SEC31A: variants seen among roughly 807,000 people sequenced by gnomAD.
SEC31A encodes the protein SEC31 homolog A, COPII component.
In SEC31A, 70 loss-of-function variants were observed where a neutral mutation model predicts 151.0. The ratio of observed to expected loss-of-function variants is 0.46; its 90% CI spans 0.38 to 0.57. SEC31A has a LOEUF of 0.57. SEC31A is among the 20% of genes least tolerant of loss of function. The probability of loss-of-function intolerance (pLI) is 0.00; values close to 1 mark genes in which losing one functional copy is unlikely to be tolerated. For synonymous variants in SEC31A, 475 were observed against 505.9 expected, an observed-to-expected ratio of 0.94 and a Z score of 0.82; for missense variants, 1,330 against 1,471.2, an observed-to-expected ratio of 0.90 and a Z score of 1.57.
Position 82,819,046 on chromosome 4 carries a change from A to G in SEC31A, c.*28T>C, listed in dbSNP as rs762192178. The stretch of plus-strand genomic sequence containing the variant: ...TAACATGTTTCTTTGGAAAAATGGC[A>G]ATATTGAGTGGAAGAGAAGCTGTCC... On this transcript the variant is annotated 3_prime_UTR_variant, in exon 27 of 27. Coordinates refer to ENST00000395310, the MANE Select transcript of SEC31A (RefSeq NM_001077207.4). 1 of 1,557,986 alleles carries G rather than the reference A, an allele frequency of 6.4e-7. No homozygotes were observed. Among genetic ancestry groups the G allele is most frequent in the Admixed American group, 2.1e-5 (1 of 48,632 alleles).
intron 22 of SEC31A, among the ~76,000 whole-genome samples, chr4:82,836,555 T>A (rs1024304840): frequency 3.9e-5 from 6 of 152,116 alleles, no homozygotes; most frequent in Non-Finnish European, 8.8e-5. Flanking sequence ...AAAATTCTGA[T>A]ACATGCTACA....
chr4:82,871,556 A>C, intron 7 of SEC31A: 2 of 671,356 alleles, frequency 3.0e-6, no homozygotes, highest in African/African-American at 1.8e-5. Context: ...TGGGCAGATC[A>C]CTTGAGGTCA....
rs1736849939 is a variant in SEC31A at position 82,872,219 on chromosome 4, T to C, written c.640-133A>G. 1.3e-5 allele frequency: 9 copies of C among 719,982 alleles called. 1 individual carries two copies. The highest frequency in any genetic ancestry group is 1.9e-5 in the Non-Finnish European group (8 of 431,290). 44.6% of individuals were successfully genotyped at this position (719,982 alleles called of 1,614,324 possible). On this transcript the variant is annotated intron_variant, in intron 6 of 26. Coordinates refer to ENST00000395310, the MANE Select transcript of SEC31A (RefSeq NM_001077207.4). ...GTGGCTTATTTTATTTATGATCTAT[T>C]TATTGTCAGCCAGGCTGGAGTGCAG...
Position 82,867,062 on chromosome 4 carries a change from C to T in SEC31A, c.1044+93G>A. On this transcript the variant is annotated intron_variant, in intron 9 of 26. Coordinates refer to ENST00000395310, the MANE Select transcript of SEC31A (RefSeq NM_001077207.4). Reference sequence around the variant, plus strand: ...TTTTGATCACAATTGTCCAATTAACCAGCATTGTTAATCAGTGAAGTCATT... The same window carrying T: ...TTTTGATCACAATTGTCCAATTAACTAGCATTGTTAATCAGTGAAGTCATT... 3.9e-6 allele frequency: 6 copies of T among 1,530,060 alleles called. No individual in the cohort carries two copies. The South Asian group carries it at 7.2e-5, about 18-fold the overall frequency. The allele number at this position is 1,530,060 out of a possible 1,614,324, so 94.8% of individuals were successfully genotyped here.
intron 13 of SEC31A, among the ~76,000 whole-genome samples, chr4:82,862,290 T>C (rs1036776336): frequency 6.6e-6 from 1 of 151,186 alleles, no homozygotes; most frequent in Non-Finnish European, 1.5e-5. Context: ...AGTATTTGAG[T>C]AGTCATTAAT....
At chr4:82,845,832 A>G (rs1729982903) in intron 20 of SEC31A, among the ~76,000 whole-genome samples, 1 of 152,150 alleles carries the variant, frequency 6.6e-6, no homozygotes, top group Non-Finnish European at 1.5e-5. Flanking sequence ...CTGAATATTA[A>G]AGATCTTCCA....
In SEC31A at chr4:82,857,728, G is replaced by T. The variant is rs776993519; in HGVS notation, c.1663C>A (p.Pro555Thr). The change falls in exon 15 of 27, where the codon CCC (proline) becomes ACC (threonine). Residue 555 changes from proline to threonine, a missense_variant. Transcript: ENST00000395310. The stretch of plus-strand genomic sequence containing the variant: ...ATATTAAATGTTCCTCCAGATGAGG[G>T]TAGAAATTCAGATTCTTCTTTTTCC... Reference protein sequence around the residue: ...KEEKEESEFLPSSGGTFNISV... With the variant: ...KEEKEESEFLTSSGGTFNISV... The T allele has an allele frequency of 3.7e-6, 6 of 1,603,498 alleles. No homozygotes were observed. The highest frequency in any genetic ancestry group is 5.1e-6 in the Non-Finnish European group (6 of 1,170,946).
intron 3 of SEC31A, among the ~76,000 whole-genome samples, chr4:82,896,832 G>A (rs1720083818): frequency 6.6e-6 from 1 of 152,178 alleles, no homozygotes; most frequent in Admixed American, 6.5e-5. Flanking sequence ...AGGTACAGAT[G>A]TACAGCATCA....
intron 25 of SEC31A, among the ~76,000 whole-genome samples, chr4:82,823,494 C>T (rs1723857965): frequency 6.6e-6 from 1 of 152,194 alleles, no homozygotes; most frequent in Admixed American, 6.5e-5. Flanking sequence ...CACTGACCAG[C>T]AGAAGGCTGC....
At position 82,891,112 on chromosome 4, in the gene SEC31A, A is replaced by G. The variant is rs900650989; in HGVS notation, c.-29T>C. On this transcript the variant is annotated 5_prime_UTR_variant, in exon 1 of 27. Transcript: ENST00000395310. ...CCTGGCGAGGACCTTCGGCAGCCGG[A>G]TCCTGCGTTAGTGCAGCGCTCGTCG... The G allele has an allele frequency of 1.7e-5, 26 of 1,535,808 alleles. No individual in the cohort carries two copies. The highest frequency in any genetic ancestry group is 2.2e-5 in the Non-Finnish European group (25 of 1,146,784).
intron 1 of SEC31A, among the ~76,000 whole-genome samples, chr4:82,882,351 G>T (rs1322588679): frequency 7.5e-6 from 1 of 133,112 alleles, no homozygotes; most frequent in Non-Finnish European, 1.5e-5. Context: ...GCAGTGAGTT[G>T]AGATTGCACC....
At chr4:82,879,153 C>G (rs1738681438) in intron 3 of SEC31A, among the ~76,000 whole-genome samples, 1 of 151,920 alleles carries the variant, frequency 6.6e-6, no homozygotes, top group Non-Finnish European at 1.5e-5. Flanking sequence ...AGTAAAAACT[C>G]TTGTAAGGTA....
intron 3 of SEC31A, 198 bp downstream of exon 3, chr4:82,880,601 G>GA (rs1170121620): frequency 7.0e-3 from 2,470 of 354,214 alleles, no homozygotes; most frequent in South Asian, 8.4e-3. Context: ...AAAAAAAAAA[G>GA]AAAAAAAAAA....
At chr4:82,857,563 C>T (rs774073655) in intron 15 of SEC31A, 126 bp downstream of exon 15, 43 of 669,348 alleles carry the variant, frequency 6.4e-5, no homozygotes, top group South Asian at 5.3e-4. Context: ...GCCTCAACTT[C>T]CCAAGTAGCT....
At chr4:82,863,608 AT>A (rs1349997784) in intron 11 of SEC31A, among the ~76,000 whole-genome samples, 2 of 151,964 alleles carry the variant, frequency 1.3e-5, no homozygotes, top group Admixed American at 6.6e-5. Context: ...GCCCAGAATT[AT>A]TTTTTTAAAT....
At chr4:82,875,356 T>C (rs1737672785) in intron 5 of SEC31A, among the ~76,000 whole-genome samples, 1 of 152,220 alleles carries the variant, frequency 6.6e-6, no homozygotes, top group Admixed American at 6.5e-5. Context: ...CATGGTCTTG[T>C]CTAAGTGTGT....
chr4:82,830,960 T>C (rs560825615), intron 22 of SEC31A: 14 of 1,221,518 alleles, frequency 1.1e-5, no homozygotes, highest in Non-Finnish European at 1.5e-5. Flanking sequence ...TGCCTGGTCT[T>C]GGATAGACTG....
rs1207187105 is a variant in SEC31A, at chr4:82,881,893, C to T, written c.44G>A (p.Ser15Asn). ...GTAAATGGGGTGATTCTGGGCAGGG[C>T]TCCATGCCTGCATGGCTGTACGATC... ...EVDRTAMQAW[S>N]PAQNHPIYLA... The change falls in exon 2 of 27, where the codon AGC becomes AAC. Residue 15 changes from serine to asparagine, a missense_variant. Physicochemically the swap from Ser to Asn is conservative, Grantham distance 46. Transcript: ENST00000395310. 3 of 1,614,160 alleles carry T rather than the reference C, an allele frequency of 1.9e-6. No individual in the cohort carries two copies. Among genetic ancestry groups the T allele is most frequent in the Non-Finnish European group, 1.7e-6 (2 of 1,179,984 alleles).
chr4:82,900,375 G>C (rs1720266251), exon 1 of SEC31A: 1 of 204,240 alleles, frequency 4.9e-6, no homozygotes, highest in Non-Finnish European at 1.0e-5. Context: ...ACCGCACCCG[G>C]AGACCCATTG....
Sources: allele counts gnomAD v4.1 joint callset (sites outside exome capture counted in the v4.1 genomes callset), GRCh38; gene constraint gnomAD v4.1.1; transcripts MANE v1.5; gene names NCBI Gene and HGNC (gene_info 2026-07-23, HGNC 2026-07-21).